Variants in KCTD1 observed in about 807,000 individuals in gnomAD.
KCTD1 encodes the protein BTB/POZ domain-containing protein KCTD1.
Under a neutral mutation model 66.0 loss-of-function variants are expected in KCTD1, and 24 were observed. The observed-to-expected ratio is 0.36, with a 90% CI of 0.26 to 0.51. The LOEUF is 0.51. Among genes scored for constraint, KCTD1 ranks in the 20% least tolerant of loss-of-function variants. KCTD1 has a pLI of 0.95. For synonymous variants in KCTD1, 511 were observed against 517.2 expected, an observed-to-expected ratio of 0.99 and a Z score of 0.16; for missense variants, 943 against 1,205.2, an observed-to-expected ratio of 0.78 and a Z score of 3.22.
At chr18:26,560,516 G>A (rs961421454) in intron 1 of KCTD1, among the ~76,000 whole-genome samples, 15 of 152,178 alleles carry the variant, frequency 9.9e-5, no homozygotes, top group African/African-American at 3.1e-4. Context: ...CTGGGAAGTG[G>A]CCTGGGCATG....
At chr18:26,647,244 C>A (rs978254693) in intron 1 of KCTD1, among the ~76,000 whole-genome samples, 1 of 151,976 alleles carries the variant, frequency 6.6e-6, no homozygotes, top group African/African-American at 2.4e-5. Context: ...CACGGTGGCT[C>A]ACGCCTGTAA....
intron 1 of KCTD1, among the ~76,000 whole-genome samples, chr18:26,638,153 A>G (rs1418862104): frequency 6.6e-6 from 1 of 152,200 alleles, no homozygotes; most frequent in Non-Finnish European, 1.5e-5. Flanking sequence ...TAAAGTGCAA[A>G]AGCACCGCAG....
intron 1 of KCTD1, among the ~76,000 whole-genome samples, chr18:26,574,368 C>T (rs957248727): frequency 6.6e-6 from 1 of 152,178 alleles, no homozygotes; most frequent in Non-Finnish European, 1.5e-5. Context: ...TTAGGTAGCA[C>T]AGTATCCTCC....
chr18:26,596,467 T>C (rs1986769025), intron 1 of KCTD1, among the ~76,000 whole-genome samples: 1 of 152,348 alleles, frequency 6.6e-6, no homozygotes, highest in South Asian at 2.1e-4. Context: ...GTCTATGCTA[T>C]TTTGTTATGG....
At chr18:26,495,479 A>T (rs569129175) in intron 2 of KCTD1, among the ~76,000 whole-genome samples, 1 of 152,232 alleles carries the variant, frequency 6.6e-6, no homozygotes, top group African/African-American at 2.4e-5. Flanking sequence ...TGGCATCTCC[A>T]TCCTAAAGCT....
upstream of KCTD1, among the ~76,000 whole-genome samples, chr18:26,632,825 A>G (rs572681980): frequency 6.6e-6 from 1 of 152,320 alleles, no homozygotes; most frequent in East Asian, 1.9e-4. Flanking sequence ...ATGAAAAGAT[A>G]TATCAAGTTA....
At chr18:26,639,587 A>G (rs774217487) in intron 1 of KCTD1, among the ~76,000 whole-genome samples, 18 of 152,208 alleles carry the variant, frequency 1.2e-4, no homozygotes, top group Admixed American at 7.9e-4. Flanking sequence ...ACAATACAAT[A>G]ATGATAAACA....
At chr18:26,563,667 T>C (rs1985914845) in intron 1 of KCTD1, among the ~76,000 whole-genome samples, 2 of 152,236 alleles carry the variant, frequency 1.3e-5, no homozygotes, top group African/African-American at 2.4e-5. Context: ...TGGATTCAAA[T>C]TCTGGCACTG....
At chr18:26,536,014 AGTCT>A (rs966114839) in intron 1 of KCTD1, among the ~76,000 whole-genome samples, 26 of 148,168 alleles carry the variant, frequency 1.8e-4, no homozygotes, top group Non-Finnish European at 3.4e-4. Context: ...GTGTCCCCTC[AGTCT>A]GTCTAGCCCA....
At chr18:26,475,866 A>G (rs939728006) in intron 3 of KCTD1, among the ~76,000 whole-genome samples, 1 of 152,174 alleles carries the variant, frequency 6.6e-6, no homozygotes, top group Non-Finnish European at 1.5e-5. Flanking sequence ...AAACAAACAA[A>G]CAAACAAAAA....
intron 1 of KCTD1, among the ~76,000 whole-genome samples, chr18:26,510,490 T>C (rs1273627454): frequency 6.6e-6 from 1 of 152,216 alleles, no homozygotes; most frequent in Non-Finnish European, 1.5e-5. Context: ...GGACAAGGCG[T>C]TACTGCTGTT....
intron 1 of KCTD1, among the ~76,000 whole-genome samples, chr18:26,567,554 C>T (rs1187390235): frequency 2.0e-5 from 3 of 147,062 alleles, no homozygotes; most frequent in African/African-American, 7.6e-5. Flanking sequence ...GTGGCATGAT[C>T]TCGGCTCACT....
At chr18:26,626,862 G>A (rs568120351) in intron 1 of KCTD1, among the ~76,000 whole-genome samples, 1 of 152,314 alleles carries the variant, frequency 6.6e-6, no homozygotes, top group East Asian at 1.9e-4. Flanking sequence ...CCAGTGCAAA[G>A]GCTGTGCAAT....
chr18:26,610,345 G>A (rs939861615), intron 1 of KCTD1, among the ~76,000 whole-genome samples: 2 of 152,142 alleles, frequency 1.3e-5, no homozygotes, highest in Non-Finnish European at 1.5e-5. Flanking sequence ...GGCCAAGGCA[G>A]GTAGATTGCT....
chr18:26,518,917 A>T (rs1005883272), intron 1 of KCTD1, among the ~76,000 whole-genome samples: 1 of 152,240 alleles, frequency 6.6e-6, no homozygotes, highest in Admixed American at 6.5e-5. Context: ...TTTATACTGC[A>T]CAGGACACTG....
chr18:26,595,532 C>T (rs1048063933), intron 1 of KCTD1, among the ~76,000 whole-genome samples: 1 of 152,162 alleles, frequency 6.6e-6, no homozygotes, highest in Non-Finnish European at 1.5e-5. Flanking sequence ...CTCCTTCTTG[C>T]TGGCAGAATG....
At chr18:26,558,137 G>C (rs1395724472) in intron 1 of KCTD1, among the ~76,000 whole-genome samples, 1 of 152,252 alleles carries the variant, frequency 6.6e-6, no homozygotes, top group Non-Finnish European at 1.5e-5. Context: ...CGGAAGGCTT[G>C]TTGAAGCAGG....
chr18:26,494,127 T>C (rs757634756), intron 2 of KCTD1, among the ~76,000 whole-genome samples: 2 of 152,282 alleles, frequency 1.3e-5, no homozygotes, highest in African/African-American at 2.4e-5. Flanking sequence ...CTCAACACTT[T>C]GGGAGGCTGA....
At chr18:26,482,809 A>G (rs1981717874) in intron 2 of KCTD1, among the ~76,000 whole-genome samples, 1 of 152,166 alleles carries the variant, frequency 6.6e-6, no homozygotes, top group Admixed American at 6.5e-5. Context: ...TGCAGGATGG[A>G]CCAACCCAGA....
Sources: gnomAD v4.1 joint callset for allele counts (sites outside exome capture counted in the v4.1 genomes callset) on GRCh38, gnomAD v4.1.1 for gene constraint, MANE v1.5 for transcripts, NCBI Gene and HGNC (gene_info 2026-07-23, HGNC 2026-07-21) for gene names.